The following PRRC2C variants were observed in gnomAD, a reference collection of about 807,000 sequenced individuals.
PRRC2C encodes proline rich coiled-coil 2C.
PRRC2C carries 72 observed loss-of-function variants against 317.2 expected under a neutral mutation model. The observed-to-expected ratio is 0.23, with a 90% CI of 0.19 to 0.28. PRRC2C has a LOEUF of 0.28. Among genes scored for constraint, PRRC2C ranks in the 10% least tolerant of loss-of-function variants. The probability of loss-of-function intolerance (pLI) is 1.00; values close to 1 mark genes in which losing one functional copy is unlikely to be tolerated. For missense variants in PRRC2C, 3,074 were observed against 3,459.7 expected (o/e 0.89, Z 2.80); for synonymous variants, 1,296 against 1,205.9 (o/e 1.07, Z -1.55).
chr1:171,495,140 A>G (rs1250352509), intron 1 of PRRC2C, among the ~76,000 whole-genome samples: 1 of 152,252 alleles, frequency 6.6e-6, no homozygotes, highest in Admixed American at 6.5e-5. Flanking sequence ...ATACTGTGAC[A>G]AACATAAAAT....
rs1297736347 is a variant in PRRC2C, at chr1:171,592,059, A to G, written c.*212A>G. On this transcript the variant is annotated 3_prime_UTR_variant, in exon 35 of 35. Coordinates refer to ENST00000647382, the MANE Select transcript of PRRC2C (RefSeq NM_001387844.1). Reference sequence around the variant, plus strand: ...TTTGCAAGCTTGTACCTACTATATAACATGTGCTTGGTTGATGGCCATGCA... The same window carrying G: ...TTTGCAAGCTTGTACCTACTATATAGCATGTGCTTGGTTGATGGCCATGCA... 9 of 518,146 alleles carry G rather than the reference A, an allele frequency of 1.7e-5. No homozygotes were observed. Among genetic ancestry groups the G allele is most frequent in the Non-Finnish European group, 2.6e-5 (8 of 303,824 alleles). The allele number at this position is 518,146 out of a possible 1,614,324, so 32.1% of individuals were successfully genotyped here. A position where few individuals can be genotyped will look rare whatever the true frequency, so the allele number is the denominator to read the frequency against.
At position 171,515,061 on chromosome 1, in the gene PRRC2C, G is replaced by A. The variant is rs74122853; in HGVS notation, c.400+416G>A. The stretch of plus-strand genomic sequence containing the variant: ...AGAAGAGCTAGAAAGTAGCCATAAA[G>A]CACCACTGCTGTAATATTCCCCTTT... On this transcript the variant is annotated intron_variant, in intron 4 of 34. Coordinates refer to ENST00000647382, the MANE Select transcript of PRRC2C (RefSeq NM_001387844.1). Among the ~76,000 whole-genome samples the A allele has an allele frequency of 3.7e-3, 557 of 152,356 alleles. 1 individual carries two copies. The highest frequency in any genetic ancestry group is 0.011 in the African/African-American group (446 of 41,588).
chr1:171,548,182 T>C (rs1446171541), intron 17 of PRRC2C, among the ~76,000 whole-genome samples: 1 of 148,918 alleles, frequency 6.7e-6, no homozygotes, highest in Admixed American at 6.7e-5. Context: ...TTAGCCAGGC[T>C]AGTCAGGAAC....
At chr1:171,560,939 A>C in intron 19 of PRRC2C, 79 bp from the exon 20 acceptor site, 1 of 1,138,030 alleles carries the variant, frequency 8.8e-7, no homozygotes, top group Non-Finnish European at 1.3e-6. Flanking sequence ...ACAGTAGGAG[A>C]TTAAGGAAAG....
intron 7 of PRRC2C, among the ~76,000 whole-genome samples, chr1:171,522,769 G>T (rs543971072): frequency 6.6e-6 from 1 of 151,916 alleles, no homozygotes; most frequent in East Asian, 1.9e-4. Flanking sequence ...GCAAGACTCC[G>T]TCTCAAAACA....
intron 24 of PRRC2C, among the ~76,000 whole-genome samples, chr1:171,574,458 G>A (rs937393876): frequency 6.6e-6 from 1 of 152,104 alleles, no homozygotes; most frequent in Non-Finnish European, 1.5e-5. Context: ...TACATCTGGT[G>A]GTACATGAAA....
intron 5 of PRRC2C, among the ~76,000 whole-genome samples, chr1:171,516,603 CTA>C (rs1413361453): frequency 6.6e-6 from 1 of 152,194 alleles, no homozygotes; most frequent in Non-Finnish European, 1.5e-5. Flanking sequence ...CACCAGTTGT[CTA>C]TTGCTGCATA....
At chr1:171,548,016 A>C (rs905219188) in intron 17 of PRRC2C, among the ~76,000 whole-genome samples, 4 of 152,090 alleles carry the variant, frequency 2.6e-5, no homozygotes, top group African/African-American at 9.7e-5. Flanking sequence ...CCCAAGCTGG[A>C]GTACAGTGGC....
chr1:171,562,375 A>G (rs1682874949), intron 20 of PRRC2C, among the ~76,000 whole-genome samples: 1 of 152,216 alleles, frequency 6.6e-6, no homozygotes, highest in African/African-American at 2.4e-5. Flanking sequence ...GTGGGAAGAC[A>G]CTGAAGGGTT....
intron 1 of PRRC2C, among the ~76,000 whole-genome samples, chr1:171,488,084 A>C (rs985101212): frequency 4.1e-5 from 5 of 121,646 alleles, no homozygotes; most frequent in African/African-American, 1.5e-4. Context: ...TGAAGATTAT[A>C]TTATATCCCT....
Position 171,541,763 on chromosome 1 carries a change from C to A in PRRC2C, c.4297C>A (p.Gln1433Lys). Residue 1433 changes from glutamine to lysine, a missense_variant, in exon 16 of 35, where the codon CAA becomes AAA. This residue lies in a region of PRRC2C where 1,320 missense variants were observed against 1,395.7 expected (regional missense o/e 0.95). Coordinates refer to ENST00000647382, the MANE Select transcript of PRRC2C (RefSeq NM_001387844.1). The surrounding 1 kb of genome is among the most constrained non-coding windows in gnomAD (Gnocchi z 4.1). ...GCAGCGTCCTACTCGACCACCAAGG[C>A]AAGACAAGCCACCTCGATTTAGACG... The part of the protein sequence containing the change: ...RRQRPTRPPR[Q>K]DKPPRFRRLR... 1 of 1,613,942 alleles carries A rather than the reference C, an allele frequency of 6.2e-7. No individual in the cohort carries two copies. The highest frequency in any genetic ancestry group is 1.3e-5 in the African/African-American group (1 of 75,040).
chr1:171,508,365 T>C (rs1189021136), intron 1 of PRRC2C, among the ~76,000 whole-genome samples: 1 of 152,244 alleles, frequency 6.6e-6, no homozygotes, highest in Non-Finnish European at 1.5e-5. Context: ...TGTTAAACTT[T>C]GTCACGTGGT....
intron 1 of PRRC2C, among the ~76,000 whole-genome samples, chr1:171,503,830 C>T (rs1276122107): frequency 6.6e-6 from 1 of 152,068 alleles, no homozygotes; most frequent in East Asian, 1.9e-4. Flanking sequence ...TGGCAGAAGG[C>T]AAAGAGGAGC....
intron 28 of PRRC2C, among the ~76,000 whole-genome samples, chr1:171,580,352 C>A (rs1288631515): frequency 2.0e-5 from 3 of 152,064 alleles, no homozygotes; most frequent in African/African-American, 7.2e-5. Context: ...GGGTGCAGGG[C>A]AGGGTGGAAT....
At chr1:171,557,176 G>T in intron 18 of PRRC2C, 64 bp from the exon 19 acceptor site, 1 of 1,463,818 alleles carries the variant, frequency 6.8e-7, no homozygotes, top group Non-Finnish European at 9.0e-7. Flanking sequence ...GTTAAAAGTT[G>T]CATTTATGAA....
rs1473718077 is a variant in PRRC2C, at chr1:171,545,490, A to C, written c.4775A>C (p.Asp1592Ala). Reference protein sequence around the residue: ...SKSGKRGPFDDQPAGTTGVDL... With the variant: ...SKSGKRGPFDAQPAGTTGVDL... ...TTATTTTTTTGTAGGCCATTTGATG[A>C]CCAGCCTGCAGGCACAACTGGGGTT... The change falls in exon 17 of 35, where the codon GAC (aspartate) becomes GCC (alanine). Residue 1592 changes from aspartate (D) to alanine (A), a missense_variant. Physicochemically the swap from Asp to Ala is moderately radical, Grantham distance 126. Coordinates refer to ENST00000647382, the MANE Select transcript of PRRC2C (RefSeq NM_001387844.1). 1 of 1,565,376 alleles carries C rather than the reference A, an allele frequency of 6.4e-7. No individual in the cohort carries two copies. Among genetic ancestry groups the C allele is most frequent in the Non-Finnish European group, 8.7e-7 (1 of 1,154,666 alleles).
intron 11 of PRRC2C, 75 bp downstream of exon 11, chr1:171,527,919 T>C: frequency 7.9e-7 from 1 of 1,264,486 alleles, no homozygotes; most frequent in South Asian, 1.3e-5. Context: ...CACCAAATTT[T>C]TTATTCAAAA....
At chr1:171,504,158 G>A (rs1669727757) in intron 1 of PRRC2C, among the ~76,000 whole-genome samples, 2 of 152,116 alleles carry the variant, frequency 1.3e-5, no homozygotes, top group African/African-American at 4.8e-5. Context: ...TAAAAACTGG[G>A]TTGGTTGTTA....
At chr1:171,558,731 GAACAC>G in intron 19 of PRRC2C, among the ~76,000 whole-genome samples, 1 of 87,714 alleles carries the variant, frequency 1.1e-5, no homozygotes, top group African/African-American at 4.0e-5. Context: ...TATTCTTTAA[GAACAC>G]AACAATGTTG....
Sources: gnomAD v4.1 joint callset for allele counts (sites outside exome capture counted in the v4.1 genomes callset) on GRCh38, gnomAD v4.1.1 for gene constraint, gnomAD v4.1.1 regional missense constraint, Gnocchi (gnomAD v3.1) non-coding constraint, MANE v1.5 for transcripts, NCBI Gene and HGNC (gene_info 2026-07-23, HGNC 2026-07-21) for gene names.